Variants in NDUFA8 observed in about 807,000 individuals in gnomAD.
NDUFA8 encodes NADH dehydrogenase [ubiquinone] 1 alpha subcomplex subunit 8.
Under a neutral mutation model 20.9 loss-of-function variants are expected in NDUFA8, and 16 were observed. That is an observed-to-expected ratio of 0.77 (90% CI 0.52 to 1.16). The LOEUF is 1.16. Among genes scored for constraint, NDUFA8 ranks in the 50% most tolerant of loss-of-function variants. The pLI is 0.00. For missense variants in NDUFA8, 202 were observed against 216.4 expected, an observed-to-expected ratio of 0.93 and a Z score of 0.42; for synonymous variants, 70 against 76.1, an observed-to-expected ratio of 0.92 and a Z score of 0.41.
intron 2 of NDUFA8, among the ~76,000 whole-genome samples, chr9:122,149,053 T>C (rs1828951266): frequency 2.0e-5 from 3 of 152,338 alleles, no homozygotes; most frequent in Non-Finnish European, 4.4e-5. Context: ...AATATCATCA[T>C]TTTATGTAAA....
the NDUFA8 span, among the ~76,000 whole-genome samples, chr9:122,135,188 C>T: frequency 6.6e-6 from 1 of 152,216 alleles, no homozygotes; most frequent in African/African-American, 2.4e-5. Flanking sequence ...CTCAAAACCC[C>T]CTGCTGGGGG....
rs781725708 is a variant in NDUFA8, at chr9:122,152,230, A to G, written c.215+15T>C. ...ATGCTTCAACCAAGTAGGCACTGAT[A>G]CCAAAGATTTTTACCTAAAGAAGTC... On this transcript the variant is annotated intron_variant, in intron 2 of 3. Coordinates refer to ENST00000373768, the MANE Select transcript of NDUFA8 (RefSeq NM_014222.3). 9 of 1,614,118 alleles carry G rather than the reference A, an allele frequency of 5.6e-6. No individual in the cohort carries two copies. In the South Asian group the frequency reaches 6.6e-5, roughly 12 times the overall value.
intron 1 of NDUFA8, among the ~76,000 whole-genome samples, chr9:122,159,295 G>C (rs1047671040): frequency 6.6e-6 from 1 of 152,178 alleles, no homozygotes; most frequent in Non-Finnish European, 1.5e-5. Context: ...TCGCATGCAA[G>C]TTTGAGGATT....
chr9:122,152,346 C>CT lies in NDUFA8; in HGVS notation c.113dup (p.Pro39AlafsTer34). On this transcript the variant is annotated frameshift_variant, in exon 2 of 4. Transcript: ENST00000373768. LOFTEE classifies it high-confidence loss of function. ...GGCAGAGCATAAACTCCTTGTTGGG[C>CT]TTATCACATTGAGCTCCATAGTGAT... 1 of 1,614,112 alleles carries CT rather than the reference C, an allele frequency of 6.2e-7. No individual in the cohort carries two copies. The highest frequency in any genetic ancestry group is 8.5e-7 in the Non-Finnish European group (1 of 1,180,034).
At chr9:122,152,751 C>T (rs73551351) in intron 1 of NDUFA8, among the ~76,000 whole-genome samples, 21,520 of 151,932 alleles carry the variant, frequency 0.14, 2,999 homozygotes, top group African/African-American at 0.37. Context: ...ATTTAGAGAA[C>T]GCAAAGCTCT....
chr9:122,138,937 T>C, the NDUFA8 span, among the ~76,000 whole-genome samples: 1 of 127,206 alleles, frequency 7.9e-6, no homozygotes, highest in Non-Finnish European at 1.7e-5. Flanking sequence ...ACGGATGGAG[T>C]GTTGGGGGAC....
intron 1 of NDUFA8, among the ~76,000 whole-genome samples, chr9:122,157,879 C>A (rs1209630572): frequency 1.3e-5 from 2 of 152,142 alleles, no homozygotes; most frequent in Non-Finnish European, 2.9e-5. Context: ...TACGGCCAGG[C>A]GCGGTGGCTC....
In NDUFA8 at chr9:122,155,104, C is replaced by T. The variant is rs147642280; in HGVS notation, c.52-2696G>A. 2.7e-3 allele frequency among the ~76,000 whole-genome samples: 405 copies of T among 151,918 alleles called. 3 individuals are homozygous for T. Among genetic ancestry groups the T allele is most frequent in the African/African-American group, 9.3e-3 (386 of 41,456 alleles). ...TTTATTATTATTATTTTTTTGAGACCGAGTTTCGCTCTTGTCCAGGCTGGA... is the reference window on the plus strand; with the variant it reads ...TTTATTATTATTATTTTTTTGAGACTGAGTTTCGCTCTTGTCCAGGCTGGA... On this transcript the variant is annotated intron_variant, in intron 1 of 3. Coordinates refer to ENST00000373768, the MANE Select transcript of NDUFA8 (RefSeq NM_014222.3).
rs1453664114 is a variant in NDUFA8 at position 122,152,401 on chromosome 9, A to AT, written c.58dup (p.Ile20AsnfsTer2). 6.2e-6 allele frequency: 10 copies of AT among 1,613,940 alleles called. No homozygotes were observed. Among genetic ancestry groups the AT allele is most frequent in the African/African-American group, 1.3e-5 (1 of 74,878 alleles). On this transcript the variant is annotated frameshift_variant, in exon 2 of 4. Transcript: ENST00000373768. LOFTEE classifies it high-confidence loss of function. ...CGCAGCTTTAAGCACAGCAGAACTA[A>AT]TTTTCACCTAGGAAAGGAAAGATGG...
rs1249799272 is a variant in NDUFA8 at position 122,148,229 on chromosome 9, G to T, written c.264C>A (p.Cys88Ter). ...CAEPFTEYWT[C>*]IDYTGQQLFR... The stretch of plus-strand genomic sequence containing the variant: ...ATAACTGCTGGCCAGTATAATCAAT[G>T]CAAGTCCAATATTCTGTAAAAGGCT... Residue 88 changes from cysteine (C) to a stop codon, truncating the protein, a stop_gained, in exon 3 of 4, where the codon TGC becomes TGA. Transcript: ENST00000373768. LOFTEE classifies it high-confidence loss of function. The T allele has an allele frequency of 1.2e-6, 2 of 1,614,146 alleles. No individual in the cohort carries two copies. Among genetic ancestry groups the T allele is most frequent in the Non-Finnish European group, 1.7e-6 (2 of 1,180,024 alleles).
intron 3 of NDUFA8, among the ~76,000 whole-genome samples, chr9:122,145,071 C>T (rs1393418930): frequency 1.3e-5 from 2 of 152,178 alleles, no homozygotes; most frequent in African/African-American, 4.8e-5. Context: ...TACACAAAGC[C>T]AGATATGCCT....
chr9:122,156,801 G>A (rs1177441139), intron 1 of NDUFA8, among the ~76,000 whole-genome samples: 4 of 152,072 alleles, frequency 2.6e-5, no homozygotes, highest in Non-Finnish European at 5.9e-5. Flanking sequence ...AGATATACTT[G>A]TTCTTTGCTC....
rs1055694999 is a variant in NDUFA8, at chr9:122,148,392, T to C, written c.216-115A>G. ...ATAGCCTTGCTTTTTGAAAGGTATG[T>C]GAGTACATATTCTTATCTCACTTAC... On this transcript the variant is annotated intron_variant, in intron 2 of 3. Coordinates refer to ENST00000373768, the MANE Select transcript of NDUFA8 (RefSeq NM_014222.3). The C allele has an allele frequency of 1.9e-4, 221 of 1,171,650 alleles. 1 individual carries two copies. The highest frequency in any genetic ancestry group is 6.1e-4 in the Middle Eastern group (3 of 4,896). The allele number at this position is 1,171,650 out of a possible 1,614,324, so 72.6% of individuals were successfully genotyped here.
chr9:122,138,867 G>GGGA, the NDUFA8 span, among the ~76,000 whole-genome samples: 8 of 140,678 alleles, frequency 5.7e-5, no homozygotes, highest in South Asian at 2.6e-4. Context: ...AGAAGAGGTG[G>GGGA]GGGGGGGGCC....
chr9:122,157,710 C>T (rs1161575315), intron 1 of NDUFA8, among the ~76,000 whole-genome samples: 1 of 152,106 alleles, frequency 6.6e-6, no homozygotes, highest in Non-Finnish European at 1.5e-5. Context: ...GAGTGGGGGC[C>T]ACATGGCAGC....
At chr9:122,137,945 A>G in the NDUFA8 span, among the ~76,000 whole-genome samples, 1 of 152,182 alleles carries the variant, frequency 6.6e-6, no homozygotes, top group African/African-American at 2.4e-5. Context: ...GCTGCCCATC[A>G]CAGTGATATG....
At chr9:122,141,115 G>C (rs530542536), downstream of NDUFA8, among the ~76,000 whole-genome samples, 1 of 152,164 alleles carries the variant, frequency 6.6e-6, no homozygotes, top group Non-Finnish European at 1.5e-5. Context: ...GATAGCATTC[G>C]TGAAGATCTA....
In NDUFA8 at chr9:122,144,107, A is replaced by G. The variant is rs1220735329; in HGVS notation, c.*134T>C. On this transcript the variant is annotated 3_prime_UTR_variant, in exon 4 of 4. Transcript: ENST00000373768. ...AGGAAATGGTATAGAATAACTGCCAAGTCACATAAGTTAACTTTTTTGTTA... is the reference window on the plus strand; with the variant it reads ...AGGAAATGGTATAGAATAACTGCCAGGTCACATAAGTTAACTTTTTTGTTA... The G allele has an allele frequency of 1.3e-6, 2 of 1,542,762 alleles. No homozygotes were observed. The highest frequency in any genetic ancestry group is 2.8e-5 in the African/African-American group (2 of 72,696).
chr9:122,144,955 A>C (rs1039060837), intron 3 of NDUFA8, among the ~76,000 whole-genome samples: 3 of 152,172 alleles, frequency 2.0e-5, no homozygotes, highest in African/African-American at 7.2e-5. Context: ...CCAAGAACTT[A>C]TTGCTAGAAA....
Sources: gnomAD v4.1 joint callset for allele counts (sites outside exome capture counted in the v4.1 genomes callset) on GRCh38, gnomAD v4.1.1 for gene constraint, MANE v1.5 for transcripts, NCBI Gene and HGNC (gene_info 2026-07-23, HGNC 2026-07-21) for gene names.